Variants in ATP2B2 observed in about 807,000 individuals in gnomAD.
ATP2B2 encodes the protein ATPase plasma membrane Ca2+ transporting 2.
ATP2B2 carries 15 observed loss-of-function variants against 120.0 expected under a neutral mutation model. The observed-to-expected ratio is 0.12, with a 90% CI of 0.08 to 0.19. The LOEUF (loss-of-function observed/expected upper bound fraction) is 0.19. Among genes scored for constraint, ATP2B2 ranks in the 10% least tolerant of loss-of-function variants. The probability of loss-of-function intolerance (pLI) is 1.00; values close to 1 mark genes in which losing one functional copy is unlikely to be tolerated. For missense variants in ATP2B2, 1,045 were observed against 1,719.8 expected (o/e 0.61, Z 6.94); for synonymous variants, 694 against 700.3 (o/e 0.99, Z 0.14).
chr3:10,423,017 T>C (rs1377424419), intron 2 of ATP2B2, among the ~76,000 whole-genome samples: 1 of 152,014 alleles, frequency 6.6e-6, no homozygotes, highest in Non-Finnish European at 1.5e-5. Context: ...CCAGGACTCA[T>C]CTAGAAGCTG....
chr3:10,422,330 G>A (rs1268901190), intron 2 of ATP2B2, among the ~76,000 whole-genome samples: 2 of 152,190 alleles, frequency 1.3e-5, no homozygotes, highest in South Asian at 2.1e-4. Flanking sequence ...CTGTGATATC[G>A]GTCTGTATGG....
Position 10,385,323 on chromosome 3 carries a change from T to C in ATP2B2, c.945A>G (p.Ala315=), listed in dbSNP as rs1429424078. 3 of 1,613,752 alleles carry C rather than the reference T, an allele frequency of 1.9e-6. No homozygotes were observed. In the East Asian group the frequency reaches 6.7e-5, roughly 36 times the overall value. ...CAGCATTTGAAGCTGCCGCACCGTCTGCTGCTGCAGGGGGGTGGGAGGGAT... is the reference window on the plus strand; with the variant it reads ...CAGCATTTGAAGCTGCCGCACCGTCCGCTGCTGCAGGGGGGTGGGAGGGAT... The part of the protein sequence containing the change: ...KKGDGLQLPA[A]DGAAASNAAD... The change falls in exon 8 of 23, where the codon GCA becomes GCG. Residue 315 remains alanine, a synonymous_variant. Transcript: ENST00000360273.
chr3:10,668,538 C>T (rs1449898743), intron 1 of ATP2B2, among the ~76,000 whole-genome samples: 1 of 152,210 alleles, frequency 6.6e-6, no homozygotes, highest in Non-Finnish European at 1.5e-5. Flanking sequence ...TTTGCAGTAG[C>T]TGTTCCCATC....
At chr3:10,556,110 G>A (rs914488663) in intron 2 of ATP2B2, among the ~76,000 whole-genome samples, 5 of 152,180 alleles carry the variant, frequency 3.3e-5, no homozygotes, top group African/African-American at 1.2e-4. Context: ...ATGTTGACCA[G>A]GCTGGTCTCA....
intron 1 of ATP2B2, among the ~76,000 whole-genome samples, chr3:10,648,668 T>G (rs1034348800): frequency 2.6e-5 from 4 of 152,184 alleles, no homozygotes; most frequent in Non-Finnish European, 5.9e-5. Context: ...CCTATCTCAA[T>G]GAAAGTACCA....
At chr3:10,617,479 G>A (rs1427022253) in intron 2 of ATP2B2, among the ~76,000 whole-genome samples, 1 of 152,232 alleles carries the variant, frequency 6.6e-6, no homozygotes. Context: ...TACTTAGGAA[G>A]GGAACGAAAG....
At chr3:10,702,694 T>C (rs908839963) in intron 1 of ATP2B2, among the ~76,000 whole-genome samples, 4 of 152,210 alleles carry the variant, frequency 2.6e-5, no homozygotes, top group Admixed American at 2.0e-4. Context: ...TTTTCCTAAG[T>C]CCCACTTTTT....
intron 1 of ATP2B2, among the ~76,000 whole-genome samples, chr3:10,634,091 T>C (rs1373254084): frequency 6.6e-6 from 1 of 152,208 alleles, no homozygotes; most frequent in African/African-American, 2.4e-5. Context: ...GAGGTGGGGC[T>C]TGAACCCATG....
rs908174337 is a variant in ATP2B2 at position 10,327,025 on chromosome 3, G to A, written c.*1789C>T. 2.8e-5 allele frequency: 11 copies of A among 397,150 alleles called. No individual in the cohort carries two copies. Among genetic ancestry groups the A allele is most frequent in the Admixed American group, 1.3e-4 (3 of 22,714 alleles). 24.6% of individuals were successfully genotyped at this position (397,150 alleles called of 1,614,324 possible). ...GAAGCATGGGACATCATCGATCATG[G>A]TATTCAAAATGTCTTTTGCACTGTA... On this transcript the variant is annotated 3_prime_UTR_variant, in exon 23 of 23. Coordinates refer to ENST00000360273, the MANE Select transcript of ATP2B2 (RefSeq NM_001001331.4).
chr3:10,483,090 A>C (rs1357175052), intron 1 of ATP2B2, among the ~76,000 whole-genome samples: 5 of 152,204 alleles, frequency 3.3e-5, no homozygotes, highest in Non-Finnish European at 7.3e-5. Flanking sequence ...ATTCAGGTCC[A>C]TCTCCCTCAC....
intron 2 of ATP2B2, among the ~76,000 whole-genome samples, chr3:10,597,285 A>C (rs2068794353): frequency 7.3e-6 from 1 of 137,928 alleles, no homozygotes; most frequent in African/African-American, 3.3e-5. Context: ...ACACACAGGT[A>C]CACACACACA....
chr3:10,508,062 C>T (rs1306002443), upstream of ATP2B2, among the ~76,000 whole-genome samples: 1 of 152,170 alleles, frequency 6.6e-6, no homozygotes, highest in Non-Finnish European at 1.5e-5. Context: ...AGCAGCCAAA[C>T]TCTCAGGCAG....
rs929722272 is a variant in ATP2B2 at position 10,618,276 on chromosome 3, T to A, written c.-415+1641A>T. On this transcript the variant is annotated intron_variant, in intron 2 of 21. Transcript: ENST00000646379. ...AGTCTCCTCGCCTGCAGAACGGGGA[T>A]AATCATTGCGTCTTGTTCTCAGGAT... 2.6e-5 allele frequency among the ~76,000 whole-genome samples: 4 copies of A among 152,230 alleles called. No homozygotes were observed. In the East Asian group the frequency reaches 7.7e-4, roughly 29 times the overall value.
At chr3:10,457,589 C>A (rs1048030790) in intron 1 of ATP2B2, among the ~76,000 whole-genome samples, 2 of 151,894 alleles carry the variant, frequency 1.3e-5, no homozygotes, top group African/African-American at 4.8e-5. Context: ...AGAGAGCAAG[C>A]CCAAGATATC....
intron 1 of ATP2B2, among the ~76,000 whole-genome samples, chr3:10,498,929 G>A (rs926656077): frequency 1.3e-4 from 20 of 152,134 alleles, no homozygotes; most frequent in African/African-American, 4.6e-4. Flanking sequence ...AACATATTTC[G>A]AATGCCTGGC....
chr3:10,674,263 G>T (rs1161959818), intron 1 of ATP2B2, among the ~76,000 whole-genome samples: 1 of 152,216 alleles, frequency 6.6e-6, no homozygotes, highest in Non-Finnish European at 1.5e-5. Context: ...ACCTGGAAGA[G>T]AGCGTGTGTC....
intron 2 of ATP2B2, among the ~76,000 whole-genome samples, chr3:10,553,140 C>T (rs963762611): frequency 2.0e-5 from 3 of 152,138 alleles, no homozygotes; most frequent in African/African-American, 7.2e-5. Flanking sequence ...AAAATGCCAC[C>T]GGAATTCTAT....
At chr3:10,481,710 C>T (rs895389144) in intron 1 of ATP2B2, among the ~76,000 whole-genome samples, 5 of 152,208 alleles carry the variant, frequency 3.3e-5, no homozygotes, top group South Asian at 2.1e-4. Flanking sequence ...CCCGCCACCA[C>T]GCCCAGCTAA....
intron 1 of ATP2B2, among the ~76,000 whole-genome samples, chr3:10,637,805 C>T (rs1266698498): frequency 6.6e-6 from 1 of 151,836 alleles, no homozygotes; most frequent in Admixed American, 6.6e-5. Flanking sequence ...CTCAAAGAAC[C>T]CCAAGCACAA....
Sources: gnomAD v4.1 joint callset for allele counts (sites outside exome capture counted in the v4.1 genomes callset) on GRCh38, gnomAD v4.1.1 for gene constraint, MANE v1.5 for transcripts, NCBI Gene and HGNC (gene_info 2026-07-23, HGNC 2026-07-21) for gene names.